The following FIGN variants were observed in gnomAD, a reference collection of about 807,000 sequenced individuals.
FIGN encodes fidgetin, microtubule severing factor.
A neutral mutation model predicts 51.3 loss-of-function variants in FIGN; 11 were observed. The ratio of observed to expected loss-of-function variants is 0.21; its 90% CI spans 0.13 to 0.35. The LOEUF (loss-of-function observed/expected upper bound fraction) is 0.35, where lower values mean the gene tolerates loss of function less well. Ranked by LOEUF, FIGN falls within the 10% of genes least tolerant of loss-of-function variation. FIGN has a pLI of 1.00. For synonymous variants in FIGN, 407 were observed against 363.2 expected, an observed-to-expected ratio of 1.12 and a Z score of -1.37; for missense variants, 857 against 943.6, an observed-to-expected ratio of 0.91 and a Z score of 1.20.
intron 2 of FIGN, among the ~76,000 whole-genome samples, chr2:163,695,066 CGG>C (rs1684295602): frequency 7.2e-6 from 1 of 138,302 alleles, no homozygotes; most frequent in Non-Finnish European, 1.6e-5. Flanking sequence ...GTTTTGAGCT[CGG>C]TGTCTCTGTC....
At chr2:163,619,229 C>T (rs376301819) in intron 2 of FIGN, among the ~76,000 whole-genome samples, 16 of 152,074 alleles carry the variant, frequency 1.1e-4, no homozygotes, top group African/African-American at 2.7e-4. Context: ...GTTGAATACA[C>T]GAGCATTAGT....
At chr2:163,690,055 C>T (rs1003278140) in intron 2 of FIGN, among the ~76,000 whole-genome samples, 1 of 152,022 alleles carries the variant, frequency 6.6e-6, no homozygotes, top group Admixed American at 6.6e-5. Flanking sequence ...TGTCAGTCCC[C>T]CTCAATTGTT....
rs762970125 is a variant in FIGN at position 163,610,865 on chromosome 2, T to C, written c.967A>G (p.Met323Val). ...ASSLKRKAFY[M>V]AGQGDMDSSY... ...GAGTCCATATCTCCTTGCCCTGCCATGTAGAAAGCTTTCCTTTTGAGAGAA... is the reference window on the plus strand; with the variant it reads ...GAGTCCATATCTCCTTGCCCTGCCACGTAGAAAGCTTTCCTTTTGAGAGAA... Residue 323 changes from methionine to valine, a missense_variant, in exon 3 of 3, where the codon ATG (methionine) becomes GTG (valine). By Grantham distance (21) the Met-to-Val change is conservative. Around this residue, in one of 3 missense-constraint regions of FIGN, gnomAD observed 799 missense variants for 849.5 expected, o/e 0.94. Coordinates refer to ENST00000333129, the MANE Select transcript of FIGN (RefSeq NM_018086.4). 28 of 1,613,250 alleles carry C rather than the reference T, an allele frequency of 1.7e-5. No individual in the cohort carries two copies. The highest frequency in any genetic ancestry group is 2.3e-5 in the Non-Finnish European group (27 of 1,179,720).
chr2:163,666,229 G>T (rs1307239266), intron 2 of FIGN, among the ~76,000 whole-genome samples: 1 of 152,196 alleles, frequency 6.6e-6, no homozygotes, highest in Admixed American at 6.5e-5. Flanking sequence ...GTCACTAGGG[G>T]TGTCACCAAC....
intron 2 of FIGN, among the ~76,000 whole-genome samples, chr2:163,683,894 T>C (rs1451556775): frequency 6.6e-6 from 1 of 152,196 alleles, no homozygotes; most frequent in Non-Finnish European, 1.5e-5. Context: ...GTTGTTTTTT[T>C]TCATACTCTG....
chr2:163,674,124 C>T (rs1683921182), intron 2 of FIGN, among the ~76,000 whole-genome samples: 1 of 152,154 alleles, frequency 6.6e-6, no homozygotes, highest in Non-Finnish European at 1.5e-5. Flanking sequence ...ACCTCCCTTA[C>T]ATGATACTAT....
chr2:163,713,041 G>A (rs1684612124), intron 2 of FIGN, among the ~76,000 whole-genome samples: 1 of 152,154 alleles, frequency 6.6e-6, no homozygotes, highest in African/African-American at 2.4e-5. Flanking sequence ...TGAGGATGAG[G>A]AAAAGTAGCT....
chr2:163,609,701 T>C lies in FIGN; in HGVS notation c.2131A>G (p.Thr711Ala). 3 of 1,614,058 alleles carry C rather than the reference T, an allele frequency of 1.9e-6. No homozygotes were observed. The highest frequency in any genetic ancestry group is 2.5e-6 in the Non-Finnish European group (3 of 1,180,006). Residue 711 changes from threonine (T) to alanine (A), a missense_variant, in exon 3 of 3, where the codon ACA (threonine) becomes GCA (alanine). Coordinates refer to ENST00000333129, the MANE Select transcript of FIGN (RefSeq NM_018086.4). ...CTGGGCATAATGGCTGAAAGGTCTG[T>C]GGCTGGCATGGCATGGAGGGGGCCC... ...VVGPLHAMPA[T>A]DLSAIMPSQL... is the part of the protein sequence containing the mutation.
chr2:163,706,615 G>A (rs956754688), intron 2 of FIGN, among the ~76,000 whole-genome samples: 2 of 152,076 alleles, frequency 1.3e-5, no homozygotes, highest in Non-Finnish European at 2.9e-5. Context: ...AAAGTATACT[G>A]ATTAAAATAC....
chr2:163,613,612 A>G (rs1682817193), intron 2 of FIGN, among the ~76,000 whole-genome samples: 1 of 152,184 alleles, frequency 6.6e-6, no homozygotes, highest in Non-Finnish European at 1.5e-5. Flanking sequence ...GAAGTTAATT[A>G]GCAGGATGAT....
chr2:163,684,652 T>G (rs1373160533), intron 2 of FIGN, among the ~76,000 whole-genome samples: 1 of 152,230 alleles, frequency 6.6e-6, no homozygotes, highest in Non-Finnish European at 1.5e-5. Flanking sequence ...TCACTCAAAG[T>G]GATCACTTTC....
chr2:163,621,602 T>C (rs1004390395), intron 2 of FIGN, among the ~76,000 whole-genome samples: 3 of 152,136 alleles, frequency 2.0e-5, no homozygotes, highest in East Asian at 3.9e-4. Flanking sequence ...GCAACAGCAG[T>C]AGTTTCCTCA....
intron 2 of FIGN, among the ~76,000 whole-genome samples, chr2:163,617,936 A>G (rs1682906110): frequency 6.6e-6 from 1 of 152,172 alleles, no homozygotes; most frequent in Non-Finnish European, 1.5e-5. Flanking sequence ...TGCATTAAAG[A>G]CAAAACAAAA....
At chr2:163,636,676 T>C (rs1001368960) in intron 2 of FIGN, among the ~76,000 whole-genome samples, 2 of 152,298 alleles carry the variant, frequency 1.3e-5, no homozygotes, top group East Asian at 3.9e-4. Context: ...TAGAAATTGA[T>C]GGTAAATATA....
rs184444513 is a variant in FIGN at position 163,734,777 on chromosome 2, T to C, written c.25+126A>G. 165 of 798,356 alleles carry C rather than the reference T, an allele frequency of 2.1e-4. No individual in the cohort carries two copies. The East Asian group carries it at 4.4e-3, about 21-fold the overall frequency. 49.5% of individuals were successfully genotyped at this position (798,356 alleles called of 1,614,324 possible). On this transcript the variant is annotated intron_variant, in intron 2 of 2. Coordinates refer to ENST00000333129, the MANE Select transcript of FIGN (RefSeq NM_018086.4). ...AGCATGGTGACATTAAACATATATT[T>C]TTTAAAAAAAGGAATTCTATATCAT...
chr2:163,658,000 T>C (rs1683590273), intron 2 of FIGN, among the ~76,000 whole-genome samples: 1 of 152,002 alleles, frequency 6.6e-6, no homozygotes, highest in Non-Finnish European at 1.5e-5. Flanking sequence ...GGGAACTAGG[T>C]AGAAACTACT....
intron 2 of FIGN, among the ~76,000 whole-genome samples, chr2:163,664,548 A>G (rs768904933): frequency 2.6e-5 from 4 of 152,180 alleles, no homozygotes; most frequent in Non-Finnish European, 5.9e-5. Flanking sequence ...TCTTAATTCT[A>G]CTGATTTTAT....
chr2:163,610,633 G>A lies in FIGN; in HGVS notation c.1199C>T (p.Thr400Ile). The A allele has an allele frequency of 6.2e-7, 1 of 1,614,200 alleles. No homozygotes were observed. The highest frequency in any genetic ancestry group is 8.5e-7 in the Non-Finnish European group (1 of 1,180,022). The change falls in exon 3 of 3, where the codon ACC becomes ATC. Residue 400 changes from threonine (T) to isoleucine (I), a missense_variant. Physicochemically the swap from Thr to Ile is moderately conservative, Grantham distance 89. This residue lies in a region of FIGN where 799 missense variants were observed against 849.5 expected (regional missense o/e 0.94). Transcript: ENST00000333129. ...KFSSQSSRAL[T>I]PPSYSTAKNS... Reference sequence around the variant, plus strand: ...TTTAGCAGTACTGTAGGAAGGAGGGGTCAGAGCCCTACTGGACTGGCTGCT... The same window carrying A: ...TTTAGCAGTACTGTAGGAAGGAGGGATCAGAGCCCTACTGGACTGGCTGCT...
rs1420994880 is a variant in FIGN at position 163,605,890 on chromosome 2, A to G, written c.*3662T>C. 1 of 143,866 alleles carries G rather than the reference A, an allele frequency of 7.0e-6. No homozygotes were observed. The highest frequency in any genetic ancestry group is 1.5e-5 in the Non-Finnish European group (1 of 66,494). 8.9% of individuals were successfully genotyped at this position (143,866 alleles called of 1,614,324 possible). ...TTTACAAAGACCTATTATAGGAACT[A>G]ATTTGGATTTTTTTTTTTTTTGGAT... On this transcript the variant is annotated 3_prime_UTR_variant, in exon 3 of 3. Transcript: ENST00000333129.
Sources: allele counts gnomAD v4.1 joint callset (sites outside exome capture counted in the v4.1 genomes callset), GRCh38; gene constraint gnomAD v4.1.1; regional missense constraint gnomAD v4.1.1; transcripts MANE v1.5; gene names NCBI Gene and HGNC (gene_info 2026-07-23, HGNC 2026-07-21).